The following FYCO1 variants were observed in gnomAD, a reference collection of about 807,000 sequenced individuals.
FYCO1 encodes the protein FYVE and coiled-coil domain-containing protein 1.
A neutral mutation model predicts 165.1 loss-of-function variants in FYCO1; 122 were observed. That is an observed-to-expected ratio of 0.74 (90% CI 0.64 to 0.86). The LOEUF (loss-of-function observed/expected upper bound fraction) is 0.86, where lower values mean the gene tolerates loss of function less well. Among genes scored for constraint, FYCO1 ranks in the 40% least tolerant of loss-of-function variants. The pLI, the probability that FYCO1 is intolerant of heterozygous loss-of-function variation, is 0.00. For missense variants in FYCO1, 1,702 were observed against 1,810.3 expected (o/e 0.94, Z 1.09); for synonymous variants, 648 against 742.5 (o/e 0.87, Z 2.07).
At position 45,964,973 on chromosome 3, in the gene FYCO1, G is replaced by A. The variant is rs1705912948; in HGVS notation, c.3150+60C>T. The A allele has an allele frequency of 1.5e-6, 2 of 1,377,648 alleles. No homozygotes were observed. Among genetic ancestry groups the A allele is most frequent in the Non-Finnish European group, 2.1e-6 (2 of 968,884 alleles). The allele number at this position is 1,377,648 out of a possible 1,614,324, so 85.3% of individuals were successfully genotyped here. ...GGCATGCAGGGAGCCCTCTTAAATG[G>A]TCCAGTCAAAACCACACCAGATGCC... is the stretch of plus-strand genomic sequence containing the variant. On this transcript the variant is annotated intron_variant, in intron 9 of 17. Transcript: ENST00000296137. This position sits in a 1 kb window ranked among gnomAD's most constrained non-coding sequence, Gnocchi z 4.1.
At chr3:45,955,101 G>T in intron 14 of FYCO1, 148 bp downstream of exon 14, 3 of 937,554 alleles carry the variant, frequency 3.2e-6, no homozygotes, top group Non-Finnish European at 5.2e-6. Flanking sequence ...GAGCGCCGAT[G>T]CTCTTCAAGG....
rs373513036 is a variant in FYCO1 at position 45,964,352 on chromosome 3, G to A, written c.3253C>T (p.Arg1085Cys). ...GTGACTAACCTTTCTAGGTCTTCACGCAGGGCAGCCCCCTCCTTGTCCTTC... is the reference window on the plus strand; with the variant it reads ...GTGACTAACCTTTCTAGGTCTTCACACAGGGCAGCCCCCTCCTTGTCCTTC... ...LRKDKEGAAL[R>C]EDLERTQKEL... Residue 1085 changes from arginine to cysteine, a missense_variant, in exon 10 of 18, where the codon CGT becomes TGT. Coordinates refer to ENST00000296137, the MANE Select transcript of FYCO1 (RefSeq NM_024513.4). The surrounding 1 kb of genome is among the most constrained non-coding windows in gnomAD (Gnocchi z 4.1). 2.9e-5 allele frequency: 46 copies of A among 1,613,636 alleles called. No individual in the cohort carries two copies. Among genetic ancestry groups the A allele is most frequent in the Non-Finnish European group, 3.5e-5 (41 of 1,179,660 alleles).
intron 10 of FYCO1, among the ~76,000 whole-genome samples, chr3:45,963,197 C>G (rs1272043996): frequency 1.3e-5 from 2 of 151,686 alleles, no homozygotes; most frequent in African/African-American, 4.8e-5. Flanking sequence ...ATAGGTGCAC[C>G]CACACACACA....
At chr3:45,931,619 C>A (rs1703632351) in intron 15 of FYCO1, among the ~76,000 whole-genome samples, 1 of 152,242 alleles carries the variant, frequency 6.6e-6, no homozygotes, top group South Asian at 2.1e-4. Flanking sequence ...GGACAGGAAG[C>A]AAGTGCCGAG....
chr3:45,977,115 T>C (rs1026642954), intron 4 of FYCO1, among the ~76,000 whole-genome samples: 1 of 151,848 alleles, frequency 6.6e-6, no homozygotes. Context: ...ATTCAGGCCG[T>C]TGGAAAGAGG....
chr3:45,939,292 T>C (rs2125809806), intron 14 of FYCO1, among the ~76,000 whole-genome samples: 1 of 152,354 alleles, frequency 6.6e-6, no homozygotes, highest in African/African-American at 2.4e-5. Context: ...GGTAAGGTTT[T>C]CTTCTGTCCC....
chr3:45,976,965 TAAAAACC>T (rs1706790972), intron 4 of FYCO1, among the ~76,000 whole-genome samples: 1 of 152,178 alleles, frequency 6.6e-6, no homozygotes, highest in Non-Finnish European at 1.5e-5. Context: ...ATTGGCTTTA[TAAAAACC>T]ACCATGACAT....
At position 45,937,049 on chromosome 3, in the gene FYCO1, G is replaced by T. The variant is rs190929868; in HGVS notation, c.3945-506C>A. Among the ~76,000 whole-genome samples, 255 of 152,260 alleles carry T rather than the reference G, an allele frequency of 1.7e-3. 2 individuals carry two copies. Among genetic ancestry groups the T allele is most frequent in the Non-Finnish European group, 2.2e-4 (15 of 68,016 alleles). ...CAAATTGAAGTCCCTGCACTTCACT[G>T]ATGGGGACACAGAGGCCCAGGCAGT... On this transcript the variant is annotated intron_variant, in intron 14 of 17. Coordinates refer to ENST00000296137, the MANE Select transcript of FYCO1 (RefSeq NM_024513.4).
At chr3:45,984,082 T>G (rs1191661178) in intron 2 of FYCO1, among the ~76,000 whole-genome samples, 2 of 152,066 alleles carry the variant, frequency 1.3e-5, no homozygotes, top group African/African-American at 4.8e-5. Context: ...ATGGAGGAAG[T>G]GGTCAGCTTC....
In FYCO1 at chr3:45,967,185, C is replaced by A; in HGVS notation, c.2149G>T (p.Glu717Ter). ...GECQQLREEV[E>*]QCQQLAEARH... ...GCTTCTGCCAGTTGCTGGCACTGCT[C>A]CACCTCCTCCCGCAGCTGCTGACAC... The change falls in exon 8 of 18, where the codon GAG becomes TAG. Residue 717 changes from glutamate (E) to a stop codon, truncating the protein, a stop_gained. Transcript: ENST00000296137. LOFTEE classifies it high-confidence loss of function. The A allele has an allele frequency of 6.2e-7, 1 of 1,613,852 alleles. No homozygotes were observed. The highest frequency in any genetic ancestry group is 1.1e-5 in the South Asian group (1 of 91,090).
intron 16 of FYCO1, among the ~76,000 whole-genome samples, chr3:45,925,582 T>C (rs1703286853): frequency 6.6e-6 from 1 of 152,222 alleles, no homozygotes; most frequent in Non-Finnish European, 1.5e-5. Flanking sequence ...AACTTAATCT[T>C]GAACACAGCT....
chr3:45,946,452 G>T, intron 14 of FYCO1: 1 of 1,582,740 alleles, frequency 6.3e-7, no homozygotes, highest in South Asian at 1.1e-5. Flanking sequence ...CCTGGGTTCT[G>T]ACTCACAGGT....
intron 1 of FYCO1, among the ~76,000 whole-genome samples, chr3:45,994,477 T>A (rs1707702355): frequency 6.6e-6 from 1 of 152,158 alleles, no homozygotes; most frequent in African/African-American, 2.4e-5. Context: ...AGCTCTTATT[T>A]TCAGGGTGAT....
At chr3:45,921,920 T>G in intron 17 of FYCO1, 80 bp from the exon 18 acceptor site, 1 of 863,244 alleles carries the variant, frequency 1.2e-6, no homozygotes, top group Non-Finnish European at 2.0e-6. Flanking sequence ...CTGAGGCCTC[T>G]GTGGTCACTG....
chr3:45,943,287 C>T (rs1455858902), intron 14 of FYCO1, among the ~76,000 whole-genome samples: 1 of 152,184 alleles, frequency 6.6e-6, no homozygotes, highest in East Asian at 1.9e-4. Flanking sequence ...GAAGAATCAG[C>T]CCCAAAGCAG....
chr3:45,965,607 C>T (rs1705964634), intron 8 of FYCO1, among the ~76,000 whole-genome samples: 1 of 152,266 alleles, frequency 6.6e-6, no homozygotes, highest in Admixed American at 6.5e-5. Context: ...AACTGCTCAT[C>T]TCATTAACTT....
intron 14 of FYCO1, chr3:45,947,305 C>A (rs1177516228): frequency 1.9e-6 from 3 of 1,614,028 alleles, no homozygotes; most frequent in Non-Finnish European, 2.5e-6. Context: ...GTGACAGAGG[C>A]CATCGCATAC....
intron 17 of FYCO1, among the ~76,000 whole-genome samples, chr3:45,923,030 A>G (rs1703161657): frequency 6.6e-6 from 1 of 152,096 alleles, no homozygotes; most frequent in Non-Finnish European, 1.5e-5. Context: ...CCCTCCTGCT[A>G]TCCCTCTGGC....
At chr3:45,953,122 G>T (rs1456925672) in intron 14 of FYCO1, among the ~76,000 whole-genome samples, 1 of 152,212 alleles carries the variant, frequency 6.6e-6, no homozygotes, top group African/African-American at 2.4e-5. Context: ...GGAACAGAGG[G>T]TTGTGGAGAT....
Sources: gnomAD v4.1 joint callset for allele counts (sites outside exome capture counted in the v4.1 genomes callset) on GRCh38, gnomAD v4.1.1 for gene constraint, Gnocchi (gnomAD v3.1) non-coding constraint, MANE v1.5 for transcripts, NCBI Gene and HGNC (gene_info 2026-07-23, HGNC 2026-07-21) for gene names.